The following CORO2B variants were observed in gnomAD, a reference collection of about 807,000 sequenced individuals.
CORO2B encodes coronin-2B.
CORO2B carries 26 observed loss-of-function variants against 58.8 expected under a neutral mutation model. The ratio of observed to expected loss-of-function variants is 0.44; its 90% CI spans 0.32 to 0.61. The LOEUF is 0.61. Ranked by LOEUF, CORO2B falls within the 20% of genes least tolerant of loss-of-function variation. CORO2B has a pLI of 0.04. For missense variants in CORO2B, 460 were observed against 645.1 expected, an observed-to-expected ratio of 0.71 and a Z score of 3.11; for synonymous variants, 242 against 253.8, an observed-to-expected ratio of 0.95 and a Z score of 0.44.
At chr15:68,666,569 GC>G (rs1331634387) in intron 2 of CORO2B, among the ~76,000 whole-genome samples, 1 of 152,134 alleles carries the variant, frequency 6.6e-6, no homozygotes, top group Non-Finnish European at 1.5e-5. Flanking sequence ...TCCTGGCAGA[GC>G]CCCAGACAAA....
In CORO2B at chr15:68,661,510, T is replaced by G. The variant is rs144622359; in HGVS notation, c.216+16150T>G. On this transcript the variant is annotated intron_variant, in intron 2 of 11. Transcript: ENST00000261861. ...CTTGTACAAAGACTACCAGCTGGTG[T>G]TAATCTTTTCCCTTCAAGACTTGGG... 2.2e-3 allele frequency among the ~76,000 whole-genome samples: 339 copies of G among 152,320 alleles called. 3 individuals carry two copies. The highest frequency in any genetic ancestry group is 7.7e-3 in the African/African-American group (322 of 41,566).
chr15:68,625,129 G>A (rs1401799536), intron 1 of CORO2B, among the ~76,000 whole-genome samples: 1 of 152,118 alleles, frequency 6.6e-6, no homozygotes, highest in Non-Finnish European at 1.5e-5. Context: ...TGGGCGGTCC[G>A]AGCATGCCGC....
At chr15:68,635,488 G>A (rs1201590271) in intron 1 of CORO2B, among the ~76,000 whole-genome samples, 2 of 152,198 alleles carry the variant, frequency 1.3e-5, no homozygotes, top group Non-Finnish European at 2.9e-5. Flanking sequence ...CTGCCTGCAG[G>A]GGAGGGGTGG....
the CORO2B span, among the ~76,000 whole-genome samples, chr15:68,549,403 G>C: frequency 2.0e-5 from 3 of 151,942 alleles, no homozygotes; most frequent in African/African-American, 7.3e-5. Context: ...GTTGGTTTTT[G>C]TCTTTTTATG....
chr15:68,646,340 G>A (rs914653001), intron 2 of CORO2B, among the ~76,000 whole-genome samples: 4 of 152,126 alleles, frequency 2.6e-5, no homozygotes, highest in Non-Finnish European at 5.9e-5. Context: ...CCCCTTCCCA[G>A]CCTGACTCAT....
chr15:68,579,428 A>C, intron 1 of CORO2B, 151 bp downstream of exon 1: 1 of 830,824 alleles, frequency 1.2e-6, no homozygotes, highest in Non-Finnish European at 1.5e-6. Context: ...GATCCGCTCG[A>C]GTCACTCCGG....
At chr15:68,564,624 ATCTT>A in the CORO2B span, among the ~76,000 whole-genome samples, 2 of 152,176 alleles carry the variant, frequency 1.3e-5, no homozygotes, top group Admixed American at 1.3e-4. Context: ...AAGCAGTGAA[ATCTT>A]TCTTTCTTCT....
the CORO2B span, among the ~76,000 whole-genome samples, chr15:68,549,066 T>G: frequency 2.0e-5 from 3 of 151,764 alleles, no homozygotes; most frequent in Non-Finnish European, 4.4e-5. Flanking sequence ...TTCCTTCCTT[T>G]CTACAAATAA....
intron 1 of CORO2B, among the ~76,000 whole-genome samples, chr15:68,634,315 C>T (rs1900958853): frequency 6.6e-6 from 1 of 152,212 alleles, no homozygotes; most frequent in Non-Finnish European, 1.5e-5. Flanking sequence ...AGCTCTTTTA[C>T]TCACTCGCTG....
chr15:68,715,114 G>A, intron 7 of CORO2B, 101 bp from the exon 8 acceptor site: 1 of 1,048,552 alleles, frequency 9.5e-7, no homozygotes, highest in South Asian at 1.3e-5. Flanking sequence ...AACTGCCCAT[G>A]AGGCACAGGG....
At chr15:68,519,512 T>G in the CORO2B span, among the ~76,000 whole-genome samples, 1 of 152,230 alleles carries the variant, frequency 6.6e-6, no homozygotes, top group African/African-American at 2.4e-5. Flanking sequence ...TTCATTAATA[T>G]TTATCTTTTC....
chr15:68,577,979 T>C (rs1420700117), upstream of CORO2B, among the ~76,000 whole-genome samples: 1 of 152,148 alleles, frequency 6.6e-6, no homozygotes, highest in Non-Finnish European at 1.5e-5. Context: ...GCTGTCCTGC[T>C]TGGAGAACCC....
chr15:68,675,797 C>T (rs531779259), intron 2 of CORO2B, among the ~76,000 whole-genome samples: 224 of 152,270 alleles, frequency 1.5e-3, no homozygotes, highest in Non-Finnish European at 2.4e-3. Context: ...ATTCACTTAA[C>T]AAATTTTTAC....
intron 3 of CORO2B, among the ~76,000 whole-genome samples, chr15:68,705,452 AAAG>A (rs1892762302): frequency 6.6e-6 from 1 of 151,316 alleles, no homozygotes; most frequent in Non-Finnish European, 1.5e-5. Flanking sequence ...AAAAAAAAAA[AAAG>A]AAAGTAAATG....
intron 1 of CORO2B, among the ~76,000 whole-genome samples, chr15:68,614,706 G>A (rs1050820311): frequency 1.3e-5 from 2 of 152,172 alleles, no homozygotes; most frequent in Admixed American, 6.5e-5. Flanking sequence ...CTGGGGAAGC[G>A]GCTTCCTTTC....
rs997136790 is a variant in CORO2B at position 68,710,792 on chromosome 15, G to A, written c.394G>A (p.Glu132Lys). 4 of 1,612,500 alleles carry A rather than the reference G, an allele frequency of 2.5e-6. No individual in the cohort carries two copies. The highest frequency in any genetic ancestry group is 3.4e-6 in the Non-Finnish European group (4 of 1,179,444). The change falls in exon 4 of 12, where the codon GAG becomes AAG. Residue 132 changes from glutamate (E) to lysine (K), a missense_variant. Glu to Lys is a moderately conservative substitution (Grantham distance 56). Around this residue, in one of 2 missense-constraint regions of CORO2B, gnomAD observed 352 missense variants for 543.0 expected, o/e 0.65. Transcript: ENST00000261861. The surrounding 1 kb of genome is among the most constrained non-coding windows in gnomAD (Gnocchi z 4.1). ...LKRNMTEALLELHGHSRRVGL... is the reference protein window; with the variant it reads ...LKRNMTEALLKLHGHSRRVGL... ...GCGGAACATGACGGAGGCGCTCCTG[G>A]AGCTGCACGGGCACAGCCGGCGTGT... is the stretch of plus-strand genomic sequence containing the variant.
chr15:68,654,741 T>G (rs1305845677), intron 2 of CORO2B, among the ~76,000 whole-genome samples: 2 of 152,204 alleles, frequency 1.3e-5, no homozygotes, highest in Non-Finnish European at 2.9e-5. Flanking sequence ...TACGTGCTAG[T>G]AAACGGGAGC....
At chr15:68,546,571 G>A in the CORO2B span, among the ~76,000 whole-genome samples, 1 of 152,166 alleles carries the variant, frequency 6.6e-6, no homozygotes, top group Non-Finnish European at 1.5e-5. Flanking sequence ...AGCTGCTGTT[G>A]GCTTTCTGCC....
chr15:68,546,176 C>T, the CORO2B span, among the ~76,000 whole-genome samples: 1 of 152,178 alleles, frequency 6.6e-6, no homozygotes, highest in Non-Finnish European at 1.5e-5. Flanking sequence ...TCCTGCACAT[C>T]TGCTGTCACG....
Sources: gnomAD v4.1 joint callset for allele counts (sites outside exome capture counted in the v4.1 genomes callset) on GRCh38, gnomAD v4.1.1 for gene constraint, gnomAD v4.1.1 regional missense constraint, Gnocchi (gnomAD v3.1) non-coding constraint, MANE v1.5 for transcripts, NCBI Gene and HGNC (gene_info 2026-07-23, HGNC 2026-07-21) for gene names.